Variants in ZMIZ1 observed in about 807,000 individuals in gnomAD.
ZMIZ1 encodes zinc finger MIZ domain-containing protein 1.
In ZMIZ1, 17 loss-of-function variants were observed where a neutral mutation model predicts 113.9. The observed-to-expected ratio is 0.15, with a 90% CI of 0.10 to 0.22. The LOEUF (loss-of-function observed/expected upper bound fraction) is 0.22. ZMIZ1 is among the 10% of genes least tolerant of loss of function. The probability of loss-of-function intolerance (pLI) is 1.00; values close to 1 mark genes in which losing one functional copy is unlikely to be tolerated. For missense variants in ZMIZ1, 1,059 were observed against 1,477.8 expected, an observed-to-expected ratio of 0.72 and a Z score of 4.65; for synonymous variants, 607 against 603.1, an observed-to-expected ratio of 1.01 and a Z score of -0.09.
At chr10:79,176,690 T>C (rs3862511) in intron 4 of ZMIZ1, among the ~76,000 whole-genome samples, 52,674 of 150,310 alleles carry the variant, frequency 0.35, 13,196 homozygotes, top group East Asian at 0.67. Context: ...GGTTGCAGGA[T>C]CTAGACTGGG....
At chr10:79,310,625 G>C (rs1855073978) in intron 23 of ZMIZ1, among the ~76,000 whole-genome samples, 1 of 152,140 alleles carries the variant, frequency 6.6e-6, no homozygotes, top group Middle Eastern at 3.4e-3. Context: ...GGAGGGGCCT[G>C]GGGGAGCCCA....
intron 7 of ZMIZ1, among the ~76,000 whole-genome samples, chr10:79,224,491 C>G (rs773622496): frequency 2.0e-5 from 3 of 152,080 alleles, no homozygotes; most frequent in South Asian, 4.1e-4. Flanking sequence ...CACTGGCCCC[C>G]CTGCCTACAG....
At chr10:79,239,479 G>A (rs974904988) in intron 7 of ZMIZ1, among the ~76,000 whole-genome samples, 8 of 152,156 alleles carry the variant, frequency 5.3e-5, no homozygotes, top group African/African-American at 1.7e-4. Context: ...GAGCGCCTAC[G>A]CCCGCATGGG....
chr10:79,185,890 T>C (rs1309680153), intron 4 of ZMIZ1, among the ~76,000 whole-genome samples: 1 of 151,984 alleles, frequency 6.6e-6, no homozygotes, highest in Non-Finnish European at 1.5e-5. Context: ...CATCATCTGC[T>C]CCCTGTACAG....
chr10:79,113,427 C>CT, intron 1 of ZMIZ1, among the ~76,000 whole-genome samples: 1 of 152,162 alleles, frequency 6.6e-6, no homozygotes, highest in Non-Finnish European at 1.5e-5. Context: ...AGGGTGAACC[C>CT]CAACCTCCTG....
intron 3 of ZMIZ1, among the ~76,000 whole-genome samples, chr10:79,143,570 G>T (rs78444645): frequency 1.5e-4 from 23 of 152,342 alleles, no homozygotes; most frequent in Middle Eastern, 3.4e-3. Flanking sequence ...GAGTCAGGGT[G>T]TGCAGAGATG....
At chr10:79,144,605 T>C (rs915587941) in intron 3 of ZMIZ1, among the ~76,000 whole-genome samples, 1 of 152,184 alleles carries the variant, frequency 6.6e-6, no homozygotes, top group Non-Finnish European at 1.5e-5. Context: ...TCCTGCAGTC[T>C]TTGGCACCGG....
chr10:79,161,964 G>A (rs765116396), intron 3 of ZMIZ1, 89 bp from the exon 4 acceptor site: 286 of 398,824 alleles, frequency 7.2e-4, no homozygotes, highest in Non-Finnish European at 1.2e-3. Context: ...GTCAGATGGG[G>A]ATGATATGGT....
intron 4 of ZMIZ1, among the ~76,000 whole-genome samples, chr10:79,196,353 G>T (rs1488593770): frequency 6.6e-6 from 1 of 152,204 alleles, no homozygotes; most frequent in Non-Finnish European, 1.5e-5. Context: ...CTGCAGCCCT[G>T]CCTGGGAGCA....
At position 79,101,805 on chromosome 10, in the gene ZMIZ1, C is replaced by T. The variant is rs558901925; in HGVS notation, c.-336-17110C>T. Among the ~76,000 whole-genome samples the T allele has an allele frequency of 1.5e-4, 23 of 152,314 alleles. No homozygotes were observed. In the South Asian group the frequency reaches 1.9e-3, roughly 12 times the overall value. The stretch of plus-strand genomic sequence containing the variant: ...GGGCTGGAGCTGTTTCTCACACTGT[C>T]CCCGACCATAAACACACACACTGAG... On this transcript the variant is annotated intron_variant, in intron 1 of 24. Transcript: ENST00000334512.
At chr10:79,280,421 T>C (rs1852650202) in intron 8 of ZMIZ1, among the ~76,000 whole-genome samples, 1 of 151,850 alleles carries the variant, frequency 6.6e-6, no homozygotes, top group Non-Finnish European at 1.5e-5. Context: ...AGCATAGCCA[T>C]GCACCACTAC....
At chr10:79,306,407 C>A in intron 22 of ZMIZ1, 63 bp downstream of exon 22, 1 of 1,578,410 alleles carries the variant, frequency 6.3e-7, no homozygotes, top group Non-Finnish European at 8.6e-7. Flanking sequence ...TGCAGAGGCA[C>A]AGAATTTCTG....
At chr10:79,105,428 C>T (rs1191585784) in intron 1 of ZMIZ1, among the ~76,000 whole-genome samples, 4 of 152,216 alleles carry the variant, frequency 2.6e-5, no homozygotes, top group African/African-American at 7.2e-5. Context: ...CAGGCTGCCT[C>T]GATCCTGAGA....
chr10:79,229,359 G>A (rs1006386651), intron 7 of ZMIZ1, among the ~76,000 whole-genome samples: 1 of 152,246 alleles, frequency 6.6e-6, no homozygotes, highest in African/African-American at 2.4e-5. Context: ...AGCTCGGGAA[G>A]TCTGGCCACG....
intron 6 of ZMIZ1, among the ~76,000 whole-genome samples, chr10:79,211,224 C>G (rs1848518279): frequency 6.6e-6 from 1 of 152,150 alleles, no homozygotes; most frequent in Non-Finnish European, 1.5e-5. Flanking sequence ...TCACCACTCC[C>G]ATTTTACAAA....
At chr10:79,292,474 G>C (rs1197091156) in intron 11 of ZMIZ1, 118 bp downstream of exon 11, 3 of 1,322,876 alleles carry the variant, frequency 2.3e-6, no homozygotes. Flanking sequence ...AGAGCTGACT[G>C]CATTAGGGTG....
At chr10:79,128,072 G>A (rs1450105787) in intron 2 of ZMIZ1, among the ~76,000 whole-genome samples, 1 of 152,166 alleles carries the variant, frequency 6.6e-6, no homozygotes, top group Non-Finnish European at 1.5e-5. Flanking sequence ...CAGCTTCTGA[G>A]TCTAAAGAGG....
chr10:79,185,594 G>A (rs911129721), intron 4 of ZMIZ1, among the ~76,000 whole-genome samples: 1 of 151,986 alleles, frequency 6.6e-6, no homozygotes, highest in East Asian at 1.9e-4. Context: ...CCACCAGATC[G>A]CTATGTCCGG....
chr10:79,289,699 G>C, intron 8 of ZMIZ1, 76 bp from the exon 9 acceptor site: 1 of 1,377,284 alleles, frequency 7.3e-7, no homozygotes, highest in African/African-American at 1.4e-5. Flanking sequence ...CGGTCACTTG[G>C]TGGGGTGATG....
Sources: gnomAD v4.1 joint callset for allele counts (sites outside exome capture counted in the v4.1 genomes callset) on GRCh38, gnomAD v4.1.1 for gene constraint, MANE v1.5 for transcripts, NCBI Gene and HGNC (gene_info 2026-07-23, HGNC 2026-07-21) for gene names.